Variants in USP34 observed in about 807,000 individuals in gnomAD.
USP34 encodes the protein ubiquitin specific peptidase 34, also known as ubiquitin carboxyl-terminal hydrolase 34.
USP34 carries 70 observed loss-of-function variants against 460.3 expected under a neutral mutation model. The ratio of observed to expected loss-of-function variants is 0.15; its 90% CI spans 0.13 to 0.19. USP34 has a LOEUF of 0.19. USP34 is among the 10% of genes least tolerant of loss of function. The pLI, the probability that USP34 is intolerant of heterozygous loss-of-function variation, is 1.00. For missense variants in USP34, 3,985 were observed against 4,236.2 expected, an observed-to-expected ratio of 0.94 and a Z score of 1.65; for synonymous variants, 1,647 against 1,405.3, an observed-to-expected ratio of 1.17 and a Z score of -3.85.
Position 61,370,586 on chromosome 2 carries a change from T to G in USP34, c.1077-7A>C. On this transcript the variant is annotated splice_region_variant and splice_polypyrimidine_tract_variant and intron_variant, in intron 8 of 79. Coordinates refer to ENST00000398571, the MANE Select transcript of USP34 (RefSeq NM_014709.4). The stretch of plus-strand genomic sequence containing the variant: ...AAGTTCTTTTGCAATGGACCTAAAG[T>G]CAAGCAATGAAAATAGTACATTAAA... The G allele has an allele frequency of 6.2e-7, 1 of 1,611,800 alleles. No individual in the cohort carries two copies. Among genetic ancestry groups the G allele is most frequent in the Non-Finnish European group, 8.5e-7 (1 of 1,179,452 alleles).
At chr2:61,415,177 A>G (rs1429834171) in intron 2 of USP34, among the ~76,000 whole-genome samples, 1 of 152,114 alleles carries the variant, frequency 6.6e-6, no homozygotes, top group African/African-American at 2.4e-5. Flanking sequence ...TGCCTCAGAG[A>G]CAAGCAAAAT....
chr2:61,462,861 CAAAA>C (rs11302669), intron 1 of USP34, among the ~76,000 whole-genome samples: 5 of 110,064 alleles, frequency 4.5e-5, no homozygotes, highest in Non-Finnish European at 5.7e-5. Flanking sequence ...AACTGTTTCC[CAAAA>C]AAAAAAAAAA....
chr2:61,330,543 G>A (rs1340481110), intron 20 of USP34, among the ~76,000 whole-genome samples: 2 of 152,166 alleles, frequency 1.3e-5, no homozygotes, highest in African/African-American at 4.8e-5. Flanking sequence ...TTCCACCTTT[G>A]TGGAAGTTTT....
intron 10 of USP34, among the ~76,000 whole-genome samples, chr2:61,354,258 T>G (rs1031199338): frequency 6.6e-6 from 1 of 152,104 alleles, no homozygotes. Context: ...AAACCACAAG[T>G]AACTTGTCAC....
intron 30 of USP34, among the ~76,000 whole-genome samples, chr2:61,296,090 C>G (rs1690019973): frequency 6.6e-6 from 1 of 152,004 alleles, no homozygotes; most frequent in African/African-American, 2.4e-5. Context: ...GAAACCCTGT[C>G]TCTACTAAAA....
At chr2:61,409,692 C>G (rs1019588727) in intron 2 of USP34, among the ~76,000 whole-genome samples, 1 of 151,920 alleles carries the variant, frequency 6.6e-6, no homozygotes, top group African/African-American at 2.4e-5. Flanking sequence ...CCAGCCTGGG[C>G]GACAGATCAA....
intron 22 of USP34, 64 bp downstream of exon 22, chr2:61,319,109 G>C: frequency 4.2e-6 from 6 of 1,429,382 alleles, no homozygotes; most frequent in South Asian, 1.4e-5. Flanking sequence ...TACAGAATTC[G>C]TATTTCAAGA....
chr2:61,346,872 T>TCACA (rs1691786408), intron 15 of USP34, among the ~76,000 whole-genome samples: 2 of 136,710 alleles, frequency 1.5e-5, no homozygotes, highest in Admixed American at 7.9e-5. Flanking sequence ...GCCTGGTGGC[T>TCACA]CACACCTGTG....
chr2:61,360,325 G>T (rs1172613826), intron 10 of USP34, among the ~76,000 whole-genome samples: 1 of 152,028 alleles, frequency 6.6e-6, no homozygotes, highest in Non-Finnish European at 1.5e-5. Context: ...AAAACTGTTA[G>T]AACTAATAAA....
In USP34 at chr2:61,295,002, C is replaced by G. The variant is rs1157655931; in HGVS notation, c.4408G>C (p.Asp1470His). 2.5e-6 allele frequency: 4 copies of G among 1,612,900 alleles called. No individual in the cohort carries two copies. The highest frequency in any genetic ancestry group is 3.4e-6 in the Non-Finnish European group (4 of 1,179,638). Residue 1470 changes from aspartate to histidine, a missense_variant, in exon 32 of 80, where the codon GAT (aspartate) becomes CAT (histidine). This residue lies in a region of USP34 where 1,114 missense variants were observed against 1,122.5 expected (regional missense o/e 0.99). Coordinates refer to ENST00000398571, the MANE Select transcript of USP34 (RefSeq NM_014709.4). ...TCCACTTGATCTTCACTTGAATCAT[C>G]TGAATCTGGATAAAGATCACTGTAA... Reference protein sequence around the residue: ...GSYSDLYPDSDDSSEDQVENS... With the variant: ...GSYSDLYPDSHDSSEDQVENS...
At chr2:61,328,814 C>T (rs550517803) in intron 20 of USP34, among the ~76,000 whole-genome samples, 2 of 152,162 alleles carry the variant, frequency 1.3e-5, no homozygotes, top group Non-Finnish European at 2.9e-5. Flanking sequence ...TTTCTCTTTA[C>T]GAGGATGATT....
At chr2:61,192,116 A>C (rs923998284) in intron 76 of USP34, among the ~76,000 whole-genome samples, 1 of 152,220 alleles carries the variant, frequency 6.6e-6, no homozygotes, top group Non-Finnish European at 1.5e-5. Flanking sequence ...TAGGAGGCTG[A>C]ACCAGACTCA....
chr2:61,370,212 G>A (rs1374335063), intron 10 of USP34, 109 bp downstream of exon 10: 10 of 1,101,350 alleles, frequency 9.1e-6, no homozygotes, highest in Non-Finnish European at 1.3e-5. Context: ...GCTTGTCCAT[G>A]TCTTGGTCTC....
chr2:61,315,008 G>C, intron 23 of USP34, 34 bp from the exon 24 acceptor site: 1 of 1,568,812 alleles, frequency 6.4e-7, no homozygotes, highest in Non-Finnish European at 8.7e-7. Flanking sequence ...TCTAAATTTT[G>C]TTTGTCAAAC....
chr2:61,203,092 G>T, intron 75 of USP34, 48 bp downstream of exon 75: 1 of 1,454,160 alleles, frequency 6.9e-7, no homozygotes, highest in Non-Finnish European at 9.1e-7. Context: ...GAATGACTAG[G>T]GGCTTAAAAT....
intron 69 of USP34, among the ~76,000 whole-genome samples, chr2:61,209,383 G>A (rs185320888): frequency 2.0e-5 from 3 of 152,230 alleles, no homozygotes; most frequent in East Asian, 3.9e-4. Context: ...TACTAAAAAC[G>A]TGTCAGCCTT....
chr2:61,278,082 T>C, intron 41 of USP34, 83 bp downstream of exon 41: 3 of 1,514,854 alleles, frequency 2.0e-6, no homozygotes, highest in Non-Finnish European at 2.7e-6. Context: ...TTATGAGCAG[T>C]GTAAAAACGG....
chr2:61,221,149 T>C (rs1482572307), intron 66 of USP34, among the ~76,000 whole-genome samples: 2 of 152,190 alleles, frequency 1.3e-5, no homozygotes, highest in African/African-American at 2.4e-5. Context: ...AGGAGAAATT[T>C]TGTGACCTCA....
intron 1 of USP34, among the ~76,000 whole-genome samples, chr2:61,446,240 A>G (rs556361566): frequency 5.3e-5 from 8 of 152,150 alleles, no homozygotes; most frequent in African/African-American, 1.7e-4. Flanking sequence ...GAACTGTTAT[A>G]TATTTTTGAA....
Sources: gnomAD v4.1 joint callset for allele counts (sites outside exome capture counted in the v4.1 genomes callset) on GRCh38, gnomAD v4.1.1 for gene constraint, gnomAD v4.1.1 regional missense constraint, MANE v1.5 for transcripts, NCBI Gene and HGNC (gene_info 2026-07-23, HGNC 2026-07-21) for gene names.